MBP: variants seen among roughly 807,000 people sequenced by gnomAD.
MBP encodes the protein myelin basic protein, also known as Golli-MBP.
In MBP, 16 loss-of-function variants were observed where a neutral mutation model predicts 35.8. The observed-to-expected ratio is 0.45, with a 90% confidence interval of 0.30 to 0.68. The LOEUF (loss-of-function observed/expected upper bound fraction) is 0.68. Ranked by LOEUF, MBP falls within the 30% of genes least tolerant of loss-of-function variation. The pLI is 0.08. For missense variants in MBP, 380 were observed against 404.7 expected, an observed-to-expected ratio of 0.94 and a Z score of 0.52; for synonymous variants, 143 against 159.6, an observed-to-expected ratio of 0.90 and a Z score of 0.78.
chr18:77,001,564 T>A (rs145468310), intron 4 of MBP, among the ~76,000 whole-genome samples: 276 of 152,256 alleles, frequency 1.8e-3, no homozygotes, highest in African/African-American at 6.5e-3. Flanking sequence ...AAAATGCCCG[T>A]AAGAGGCCAG....
chr18:77,015,743 C>T (rs62105705), intron 4 of MBP: 41,573 of 985,304 alleles, frequency 0.042, 940 homozygotes, highest in Middle Eastern at 0.049. Context: ...TAAAGAATTG[C>T]AGTTGGAGAC....
chr18:77,106,960 G>A (rs1976299196), intron 1 of MBP, among the ~76,000 whole-genome samples: 1 of 152,120 alleles, frequency 6.6e-6, no homozygotes, highest in Non-Finnish European at 1.5e-5. Context: ...CAAGGGAAAG[G>A]CCAAATTCAC....
At chr18:77,104,736 TA>T (rs35090226) in intron 2 of MBP, among the ~76,000 whole-genome samples, 1 of 152,012 alleles carries the variant, frequency 6.6e-6, no homozygotes, top group African/African-American at 2.4e-5. Flanking sequence ...ATAAAAATGT[TA>T]AAAAAAATCA....
At chr18:77,014,729 CA>C (rs754368914) in intron 4 of MBP, 30 of 985,272 alleles carry the variant, frequency 3.0e-5, no homozygotes, top group Non-Finnish European at 3.6e-5. Flanking sequence ...TTGAGTGGAG[CA>C]ATCACATCCC....
Position 76,986,574 on chromosome 18 carries a change from C to A in MBP, c.751-1680G>T, listed in dbSNP as rs372835019. 7.1e-6 allele frequency: 7 copies of A among 985,646 alleles called. No individual in the cohort carries two copies. In the African/African-American group the frequency reaches 1.2e-4, roughly 17 times the overall value. 61.1% of individuals were successfully genotyped at this position (985,646 alleles called of 1,614,324 possible). On this transcript the variant is annotated intron_variant, in intron 7 of 8. Transcript: ENST00000355994. ...TTCGTGTGAACAGTTGATTCGGGGGCTATCCAGTGAGGTGAGGGACGGGAT... is the reference window on the plus strand; with the variant it reads ...TTCGTGTGAACAGTTGATTCGGGGGATATCCAGTGAGGTGAGGGACGGGAT...
intron 3 of MBP, among the ~76,000 whole-genome samples, chr18:77,023,918 A>G (rs1599089685): frequency 6.6e-6 from 1 of 152,202 alleles, no homozygotes; most frequent in Admixed American, 6.5e-5. Context: ...GGCTCTGTTT[A>G]TTCTCTAACA....
rs539030752 is a variant in MBP at position 76,979,832 on chromosome 18, G to T, written c.*595C>A. On this transcript the variant is annotated 3_prime_UTR_variant, in exon 9 of 9. Transcript: ENST00000355994. ...TGGCCCCCTCTCTGTGCTGCCCCAC[G>T]TTGGACTCTAACAGCTGCCCAGCCC... is the stretch of plus-strand genomic sequence containing the variant. The T allele has an allele frequency of 1.6e-6, 1 of 640,102 alleles. No individual in the cohort carries two copies. The highest frequency in any genetic ancestry group is 2.7e-5 in the East Asian group (1 of 36,778). The allele number at this position is 640,102 out of a possible 1,614,324, so 39.7% of individuals were successfully genotyped here. A position where few individuals can be genotyped will look rare whatever the true frequency, so the allele number is the denominator to read the frequency against.
intron 3 of MBP, among the ~76,000 whole-genome samples, chr18:77,029,729 AG>A (rs1417810882): frequency 6.6e-6 from 1 of 152,120 alleles, no homozygotes; most frequent in Non-Finnish European, 1.5e-5. Flanking sequence ...TAAAGCCCAG[AG>A]TACAATTTTG....
In MBP at chr18:77,029,183, C is replaced by G. The variant is rs371837369; in HGVS notation, c.140-11915G>C. On this transcript the variant is annotated intron_variant, in intron 3 of 8. Transcript: ENST00000355994. ...CGGCACCTCGGGAGGCCGAGGCTGG[C>G]GGATCACTCGCGGTTAGGAGCTGGA... 6.4e-4 allele frequency among the ~76,000 whole-genome samples: 74 copies of G among 115,320 alleles called. 1 individual carries two copies. The highest frequency in any genetic ancestry group is 1.9e-3 in the African/African-American group (72 of 37,466). The allele number at this position is 115,320 out of a possible 152,430, so 75.7% of individuals were successfully genotyped here.
intron 2 of MBP, among the ~76,000 whole-genome samples, chr18:77,099,660 C>T (rs1354906761): frequency 6.6e-6 from 1 of 152,226 alleles, no homozygotes; most frequent in East Asian, 1.9e-4. Context: ...AGGCCCGGCC[C>T]AGCTCTGCGA....
chr18:77,065,377 C>T (rs1371509129), intron 3 of MBP, among the ~76,000 whole-genome samples: 1 of 152,110 alleles, frequency 6.6e-6, no homozygotes, highest in Non-Finnish European at 1.5e-5. Context: ...GGCCCCACCC[C>T]AATGACCTGA....
chr18:76,987,006 AAAT>A, intron 7 of MBP: 1 of 985,464 alleles, frequency 1.0e-6, no homozygotes, highest in Non-Finnish European at 1.2e-6. Context: ...CAAGCAGACA[AAAT>A]GCAGAGAAGG....
intron 4 of MBP, among the ~76,000 whole-genome samples, chr18:76,992,151 C>T (rs75120173): frequency 0.26 from 40,292 of 152,132 alleles, 6,734 homozygotes; most frequent in Non-Finnish European, 0.38. Flanking sequence ...TTCAAAGCAG[C>T]GGTTCCCAAC....
At chr18:77,034,989 C>T (rs1196794369) in intron 3 of MBP, among the ~76,000 whole-genome samples, 1 of 152,200 alleles carries the variant, frequency 6.6e-6, no homozygotes, top group Non-Finnish European at 1.5e-5. Context: ...TAGGAAAGCA[C>T]TTCTGTATTT....
At chr18:77,047,268 C>T (rs779103648) in intron 3 of MBP, among the ~76,000 whole-genome samples, 1 of 152,200 alleles carries the variant, frequency 6.6e-6, no homozygotes, top group Admixed American at 6.5e-5. Context: ...GATGAACTGA[C>T]GGTGATGTGC....
intron 4 of MBP, among the ~76,000 whole-genome samples, chr18:76,999,570 C>T (rs1331022720): frequency 6.6e-6 from 1 of 151,916 alleles, no homozygotes; most frequent in Non-Finnish European, 1.5e-5. Flanking sequence ...TCTCATACCT[C>T]AGCCTCCCAA....
chr18:77,104,228 A>G (rs938837580), intron 2 of MBP, among the ~76,000 whole-genome samples: 1 of 152,188 alleles, frequency 6.6e-6, no homozygotes, highest in Non-Finnish European at 1.5e-5. Flanking sequence ...TACAAGACAC[A>G]TGGGAGCAGG....
At chr18:77,104,169 G>T (rs946112891) in intron 2 of MBP, among the ~76,000 whole-genome samples, 6 of 152,226 alleles carry the variant, frequency 3.9e-5, no homozygotes, top group African/African-American at 1.4e-4. Context: ...AGTTCTAGGG[G>T]CAGAAGGGTG....
intron 4 of MBP, chr18:77,010,067 A>C (rs1971256458): frequency 3.1e-6 from 2 of 637,858 alleles, no homozygotes; most frequent in Non-Finnish European, 5.7e-6. Flanking sequence ...TGGAGGATGA[A>C]GGACGACAGG....
Sources: allele counts gnomAD v4.1 joint callset (sites outside exome capture counted in the v4.1 genomes callset), GRCh38; gene constraint gnomAD v4.1.1; transcripts MANE v1.5; gene names NCBI Gene and HGNC (gene_info 2026-07-23, HGNC 2026-07-21).